The following BAALC variants were observed in gnomAD, a reference collection of about 807,000 sequenced individuals.
BAALC encodes the protein BAALC binder of MAP3K1 and KLF4.
A neutral mutation model predicts 15.5 loss-of-function variants in BAALC; 9 were observed. That is an observed-to-expected ratio of 0.58 (90% CI 0.35 to 1.02). BAALC has a LOEUF of 1.02. Ranked by LOEUF, BAALC falls within the 50% of genes least tolerant of loss-of-function variation. The probability of loss-of-function intolerance (pLI) is 0.02; values close to 1 mark genes in which losing one functional copy is unlikely to be tolerated. For synonymous variants in BAALC, 80 were observed against 74.6 expected (o/e 1.07, Z -0.37); for missense variants, 201 against 192.4 (o/e 1.04, Z -0.27).
intron 1 of BAALC, among the ~76,000 whole-genome samples, chr8:103,145,783 G>A (rs139997682): frequency 3.9e-5 from 6 of 152,240 alleles, no homozygotes; most frequent in Non-Finnish European, 5.9e-5. Flanking sequence ...CGTAGGTGGC[G>A]CTCAATAAAC....
intron 1 of BAALC, among the ~76,000 whole-genome samples, chr8:103,146,827 C>T (rs911003799): frequency 7.9e-5 from 12 of 152,206 alleles, no homozygotes; most frequent in Non-Finnish European, 1.5e-4. Context: ...CAAACCTAGG[C>T]AGTTTGTAAA....
At chr8:103,167,368 T>C (rs369211989) in intron 1 of BAALC, among the ~76,000 whole-genome samples, 93 of 152,300 alleles carry the variant, frequency 6.1e-4, no homozygotes, top group African/African-American at 2.2e-3. Context: ...TCAATGTTCT[T>C]TGCATTGTCC....
chr8:103,151,049 G>T (rs1036547714), intron 1 of BAALC, among the ~76,000 whole-genome samples: 3 of 147,872 alleles, frequency 2.0e-5, no homozygotes, highest in Non-Finnish European at 4.5e-5. Context: ...ATGGAGTCTC[G>T]CTCTGTTGCC....
intron 1 of BAALC, among the ~76,000 whole-genome samples, chr8:103,152,363 G>A (rs928208801): frequency 2.0e-5 from 3 of 152,176 alleles, no homozygotes; most frequent in Middle Eastern, 3.4e-3. Flanking sequence ...TTGCTGCAAT[G>A]TGCTTCCTCC....
chr8:103,172,482 T>A (rs9693655), intron 1 of BAALC, among the ~76,000 whole-genome samples: 82,306 of 148,806 alleles, frequency 0.55, 22,722 homozygotes, highest in Middle Eastern at 0.6. Context: ...GCTCACTGCA[T>A]CCTCGGCCTC....
At position 103,141,072 on chromosome 8, in the gene BAALC, C is replaced by T. The variant is rs569340803; in HGVS notation, c.160+15C>T. 1,509 of 1,443,298 alleles carry T rather than the reference C, an allele frequency of 1.0e-3. 2 individuals are homozygous for T. The highest frequency in any genetic ancestry group is 1.8e-3 in the Admixed American group (57 of 32,558). 89.4% of individuals were successfully genotyped at this position (1,443,298 alleles called of 1,614,324 possible). ...CCTGCACTCGGGTAAGTGGCCGGGC[C>T]CCTGCAGACCCTCGCCCGCCCGCTA... On this transcript the variant is annotated intron_variant, in intron 1 of 2. Coordinates refer to ENST00000309982, the MANE Select transcript of BAALC (RefSeq NM_024812.3).
At chr8:103,197,044 T>C (rs1478019501) in intron 1 of BAALC, among the ~76,000 whole-genome samples, 1 of 152,240 alleles carries the variant, frequency 6.6e-6, no homozygotes, top group Admixed American at 6.5e-5. Flanking sequence ...ATTTTAGATA[T>C]GCTTCACCCT....
chr8:103,153,636 C>G (rs1811027194), intron 1 of BAALC, among the ~76,000 whole-genome samples: 1 of 152,202 alleles, frequency 6.6e-6, no homozygotes, highest in African/African-American at 2.4e-5. Flanking sequence ...GATGTGCCAG[C>G]TAATATTCCA....
chr8:103,203,240 A>C lies in BAALC; in HGVS notation c.161-9679A>C, dbSNP rs530645582. 9.2e-5 allele frequency among the ~76,000 whole-genome samples: 14 copies of C among 152,292 alleles called. No individual in the cohort carries two copies. In the East Asian group the frequency reaches 2.5e-3, roughly 27 times the overall value. On this transcript the variant is annotated intron_variant, in intron 1 of 2. Transcript: ENST00000309982. ...TCATCACAGGGAACAGTGGTCTTTC[A>C]ATATCTTCCTAGTCAGGACCCATGT...
intron 1 of BAALC, among the ~76,000 whole-genome samples, chr8:103,142,486 A>G (rs964975268): frequency 6.6e-6 from 1 of 152,218 alleles, no homozygotes; most frequent in African/African-American, 2.4e-5. Flanking sequence ...TGAGCCTTTT[A>G]GAGGGACCTG....
intron 1 of BAALC, among the ~76,000 whole-genome samples, chr8:103,206,554 C>T (rs1212550996): frequency 1.3e-5 from 2 of 152,130 alleles, no homozygotes; most frequent in East Asian, 1.9e-4. Context: ...CACTAGAAGC[C>T]GGTGGACAAG....
intron 1 of BAALC, among the ~76,000 whole-genome samples, chr8:103,154,024 T>G (rs748716368): frequency 6.6e-6 from 1 of 152,162 alleles, no homozygotes; most frequent in Non-Finnish European, 1.5e-5. Flanking sequence ...GAGGCCTCAT[T>G]AAACGATTAC....
intron 2 of BAALC, among the ~76,000 whole-genome samples, chr8:103,217,896 C>T (rs1412530243): frequency 6.6e-6 from 1 of 152,208 alleles, no homozygotes; most frequent in African/African-American, 2.4e-5. Flanking sequence ...GTAGAAAAGA[C>T]AGACATGGCT....
chr8:103,167,244 C>T (rs929734977), intron 1 of BAALC, among the ~76,000 whole-genome samples: 1 of 152,140 alleles, frequency 6.6e-6, no homozygotes, highest in African/African-American at 2.4e-5. Context: ...TTTATTTATT[C>T]AACAATTATG....
intron 2 of BAALC, 192 bp downstream of exon 2, chr8:103,213,277 C>T (rs1332735691): frequency 1.7e-6 from 1 of 580,242 alleles, no homozygotes; most frequent in East Asian, 2.8e-5. Flanking sequence ...AGGGTTGCTG[C>T]TTTTTGTTTC....
At chr8:103,195,611 A>G (rs1173432892) in intron 1 of BAALC, among the ~76,000 whole-genome samples, 1 of 152,008 alleles carries the variant, frequency 6.6e-6, no homozygotes, top group Non-Finnish European at 1.5e-5. Context: ...GGCTGACTTC[A>G]CTGTTTATGC....
intron 2 of BAALC, among the ~76,000 whole-genome samples, chr8:103,217,961 A>G (rs561360168): frequency 6.6e-6 from 1 of 152,316 alleles, no homozygotes; most frequent in African/African-American, 2.4e-5. Context: ...GCCAAATAAT[A>G]TAGAATAAAT....
chr8:103,205,828 A>G (rs1812315229), intron 1 of BAALC, among the ~76,000 whole-genome samples: 1 of 152,222 alleles, frequency 6.6e-6, no homozygotes, highest in Non-Finnish European at 1.5e-5. Flanking sequence ...AACCTGGGTT[A>G]AACTTCAATT....
chr8:103,188,615 T>C (rs1811898572), intron 1 of BAALC, among the ~76,000 whole-genome samples: 1 of 152,192 alleles, frequency 6.6e-6, no homozygotes, highest in Admixed American at 6.5e-5. Context: ...GCAGAGGGGC[T>C]CAGAAATGTA....
Sources: gnomAD v4.1 joint callset for allele counts (sites outside exome capture counted in the v4.1 genomes callset) on GRCh38, gnomAD v4.1.1 for gene constraint, MANE v1.5 for transcripts, NCBI Gene and HGNC (gene_info 2026-07-23, HGNC 2026-07-21) for gene names.